The following GRIA3 variants were observed in gnomAD, a reference collection of about 807,000 sequenced individuals.
The protein encoded by GRIA3 is glutamate ionotropic receptor AMPA type subunit 3, also known as glutamate receptor 3.
Under a neutral mutation model 63.0 loss-of-function variants are expected in GRIA3, and 3 were observed. The observed-to-expected ratio is 0.05, with a 90% confidence interval of 0.02 to 0.12. GRIA3 has a LOEUF of 0.12. GRIA3 is among the 10% of genes least tolerant of loss of function. The pLI is 1.00. For missense variants in GRIA3, 347 were observed against 700.9 expected (o/e 0.50, Z 5.70); for synonymous variants, 274 against 257.9 (o/e 1.06, Z -0.60).
rs1254658642 is a variant in GRIA3, at chrX:123,325,581, A to G, written c.509-445A>G. ...ATTTACCTTGTTGGATAGTCTTTCT[A>G]TGTAAGGAGAAGCCATATTATAATG... On this transcript the variant is annotated intron_variant, in intron 3 of 15. Coordinates refer to ENST00000620443, the MANE Select transcript of GRIA3 (RefSeq NM_007325.5). Among the ~76,000 whole-genome samples the G allele has an allele frequency of 2.7e-5, 3 of 111,800 alleles. No individual in the cohort carries two copies. The East Asian group carries it at 8.4e-4, about 31-fold the overall frequency.
At chrX:123,448,357 G>A (rs754920534) in intron 12 of GRIA3, among the ~76,000 whole-genome samples, 1 of 111,889 alleles carries the variant, frequency 8.9e-6, no homozygotes, top group African/African-American at 3.2e-5. Flanking sequence ...TAGAGCAGAA[G>A]TTAATTCCCC....
chrX:123,453,505 C>T (rs959206403), intron 12 of GRIA3, among the ~76,000 whole-genome samples: 2 of 110,236 alleles, frequency 1.8e-5, no homozygotes, highest in Non-Finnish European at 3.8e-5. Context: ...CAAACCTGCA[C>T]GTTGTGCACA....
At chrX:123,367,550 C>T (rs2045218995) in intron 5 of GRIA3, among the ~76,000 whole-genome samples, 1 of 110,450 alleles carries the variant, frequency 9.1e-6, no homozygotes, top group Non-Finnish European at 1.9e-5. Context: ...AATTCTGCTG[C>T]CTCAACCTCC....
intron 15 of GRIA3, among the ~76,000 whole-genome samples, chrX:123,484,625 C>T (rs1195855331): frequency 8.9e-6 from 1 of 111,824 alleles, no homozygotes; most frequent in African/African-American, 3.3e-5. Flanking sequence ...GGATTACAGG[C>T]ACTTGCCACC....
chrX:123,452,323 A>G (rs2045737024), intron 12 of GRIA3, among the ~76,000 whole-genome samples: 1 of 109,607 alleles, frequency 9.1e-6, no homozygotes. Context: ...TCTTCAGATT[A>G]GTTCCAGCTC....
At chrX:123,429,684 C>G (rs1044307906) in intron 12 of GRIA3, among the ~76,000 whole-genome samples, 1 of 111,086 alleles carries the variant, frequency 9.0e-6, no homozygotes, top group Non-Finnish European at 1.9e-5. Flanking sequence ...TGATAACCAT[C>G]CCAATAGGCA....
At chrX:123,190,890 G>A (rs901942960) in intron 2 of GRIA3, among the ~76,000 whole-genome samples, 2 of 111,959 alleles carry the variant, frequency 1.8e-5, no homozygotes, top group African/African-American at 6.5e-5. Context: ...GTTATGGGTA[G>A]TCAGAGGTGA....
chrX:123,356,724 C>T, intron 5 of GRIA3, among the ~76,000 whole-genome samples: 1 of 111,487 alleles, frequency 9.0e-6, no homozygotes, highest in Non-Finnish European at 1.9e-5. Flanking sequence ...TGAGATATAA[C>T]ATTGAACTGG....
intron 12 of GRIA3, among the ~76,000 whole-genome samples, chrX:123,452,979 G>C (rs1356834708): frequency 1.8e-5 from 2 of 112,326 alleles, no homozygotes; most frequent in East Asian, 5.6e-4. Flanking sequence ...AGAAGTCAGT[G>C]TGGCGATTCC....
chrX:123,411,585 C>T (rs2045506627), intron 10 of GRIA3, among the ~76,000 whole-genome samples: 2 of 110,965 alleles, frequency 1.8e-5, no homozygotes, highest in South Asian at 3.9e-4. Flanking sequence ...CTTTGGCAAC[C>T]CACCTATGAA....
intron 3 of GRIA3, among the ~76,000 whole-genome samples, chrX:123,276,800 C>G (rs1218447892): frequency 9.0e-6 from 1 of 111,631 alleles, no homozygotes; most frequent in East Asian, 2.8e-4. Flanking sequence ...TCCTTCCCTA[C>G]TGCCTCTAGA....
chrX:123,460,553 T>C (rs1035303696), intron 12 of GRIA3, among the ~76,000 whole-genome samples: 7 of 111,994 alleles, frequency 6.3e-5, no homozygotes, highest in Admixed American at 9.5e-5. Context: ...CTTATTCTAG[T>C]AAAAGTATAA....
At chrX:123,397,607 A>T (rs185759033) in intron 6 of GRIA3, among the ~76,000 whole-genome samples, 1 of 112,305 alleles carries the variant, frequency 8.9e-6, no homozygotes, top group East Asian at 2.8e-4. Flanking sequence ...TTACAGTCAC[A>T]CTTGATGATT....
intron 3 of GRIA3, among the ~76,000 whole-genome samples, chrX:123,281,472 T>G (rs1449978677): frequency 8.9e-6 from 1 of 112,251 alleles, no homozygotes; most frequent in Non-Finnish European, 1.9e-5. Context: ...GTATGTCTTT[T>G]AAGAAATAAA....
At chrX:123,373,313 C>T in intron 5 of GRIA3, among the ~76,000 whole-genome samples, 1 of 111,538 alleles carries the variant, frequency 9.0e-6, no homozygotes, top group East Asian at 2.8e-4. Context: ...GTGAATAGTG[C>T]CACAATAAAC....
intron 5 of GRIA3, among the ~76,000 whole-genome samples, chrX:123,366,764 T>C (rs2147357911): frequency 8.9e-6 from 1 of 111,835 alleles, no homozygotes; most frequent in Non-Finnish European, 1.9e-5. Flanking sequence ...ACAACGCACA[T>C]GGAATATGTA....
At chrX:123,431,437 G>A (rs1458822309) in intron 12 of GRIA3, among the ~76,000 whole-genome samples, 1 of 112,067 alleles carries the variant, frequency 8.9e-6, no homozygotes, top group African/African-American at 3.2e-5. Flanking sequence ...AAGGCAGGGA[G>A]CAGAATGCAT....
intron 3 of GRIA3, among the ~76,000 whole-genome samples, chrX:123,277,645 C>G (rs182784418): frequency 8.1e-5 from 9 of 111,597 alleles, no homozygotes; most frequent in African/African-American, 2.9e-4. Flanking sequence ...GGTTGCTCCC[C>G]AAAAGTGACA....
intron 5 of GRIA3, among the ~76,000 whole-genome samples, chrX:123,388,458 G>T (rs184317948): frequency 1.1e-3 from 124 of 111,461 alleles, no homozygotes; most frequent in Non-Finnish European, 1.8e-3. Context: ...TGTTGCCCTG[G>T]CTGGTCTTGA....
Sources: gnomAD v4.1 joint callset for allele counts (sites outside exome capture counted in the v4.1 genomes callset) on GRCh38, gnomAD v4.1.1 for gene constraint, MANE v1.5 for transcripts, NCBI Gene and HGNC (gene_info 2026-07-23, HGNC 2026-07-21) for gene names.